DMD: variants seen among roughly 807,000 people sequenced by gnomAD.
The protein encoded by DMD is dystrophin, also known as mutant dystrophin.
DMD carries 63 observed loss-of-function variants against 330.1 expected under a neutral mutation model. That is an observed-to-expected ratio of 0.19 (90% CI 0.16 to 0.24). DMD has a LOEUF of 0.24. DMD is among the 10% of genes least tolerant of loss of function. The pLI is 1.00. For missense variants in DMD, 3,344 were observed against 2,684.1 expected, an observed-to-expected ratio of 1.25 and a Z score of -5.43; for synonymous variants, 1,223 against 959.8, an observed-to-expected ratio of 1.27 and a Z score of -5.07.
rs147739503 is a variant in DMD at position 32,671,396 on chromosome X, C to T, written c.961-26244G>A. ...TCTGAGAAAAAGAGACAGAGTTCAC[C>T]AGGTTCCCATTTATCTTCAAAATTG... On this transcript the variant is annotated intron_variant, in intron 9 of 78. Coordinates refer to ENST00000357033, the MANE Select transcript of DMD (RefSeq NM_004006.3). Among the ~76,000 whole-genome samples, 777 of 110,999 alleles carry T rather than the reference C, an allele frequency of 7.0e-3. 7 individuals carry two copies. The highest frequency in any genetic ancestry group is 0.023 in the African/African-American group (715 of 30,669).
intron 1 of DMD, among the ~76,000 whole-genome samples, chrX:33,172,094 T>C (rs1293673056): frequency 6.3e-5 from 7 of 111,135 alleles, no homozygotes; most frequent in African/African-American, 2.3e-4. Context: ...TAAAAAGGAA[T>C]ATTAAACAAA....
chrX:32,064,074 C>T (rs764503228), intron 44 of DMD, among the ~76,000 whole-genome samples: 8 of 110,786 alleles, frequency 7.2e-5, no homozygotes, highest in African/African-American at 1.6e-4. Context: ...TTATTCTCAA[C>T]GAATGAATTA....
chrX:31,823,298 CTA>C (rs766945267), intron 49 of DMD, among the ~76,000 whole-genome samples: 1 of 112,559 alleles, frequency 8.9e-6, no homozygotes, highest in African/African-American at 3.2e-5. Context: ...TCCAGTCAGA[CTA>C]TGTGCCCTTC....
At chrX:32,503,117 T>C (rs1228777807) in intron 18 of DMD, among the ~76,000 whole-genome samples, 1 of 112,604 alleles carries the variant, frequency 8.9e-6, no homozygotes, top group African/African-American at 3.2e-5. Flanking sequence ...AGTTAAGAGA[T>C]AGGCCTGTAA....
chrX:32,685,772 G>A lies in DMD; in HGVS notation c.960+12098C>T, dbSNP rs371842185. 7.2e-5 allele frequency among the ~76,000 whole-genome samples: 8 copies of A among 111,477 alleles called. No individual in the cohort carries two copies. The South Asian group carries it at 3.0e-3, about 41-fold the overall frequency. ...ATCTAGAAATGAGGAGTTTCATAAC[G>A]ATACCATCAACTCATCATTAATCCT... On this transcript the variant is annotated intron_variant, in intron 9 of 78. Coordinates refer to ENST00000357033, the MANE Select transcript of DMD (RefSeq NM_004006.3).
intron 1 of DMD, among the ~76,000 whole-genome samples, chrX:33,166,607 A>G (rs1365842039): frequency 9.0e-6 from 1 of 111,103 alleles, no homozygotes; most frequent in Non-Finnish European, 1.9e-5. Context: ...TATGTATCCA[A>G]AAAAGTGTGT....
At chrX:33,145,866 T>A (rs1043542457) in intron 1 of DMD, among the ~76,000 whole-genome samples, 12 of 110,441 alleles carry the variant, frequency 1.1e-4, no homozygotes, top group Non-Finnish European at 2.1e-4. Context: ...GTTATGCAAC[T>A]GTCACCACTT....
chrX:32,549,875 A>G (rs1428142136), intron 16 of DMD, among the ~76,000 whole-genome samples: 1 of 112,221 alleles, frequency 8.9e-6, no homozygotes, highest in Non-Finnish European at 1.9e-5. Context: ...ACATAAGTAC[A>G]TCAAAGCAAA....
intron 34 of DMD, among the ~76,000 whole-genome samples, chrX:32,368,717 C>T (rs755170831): frequency 1.8e-5 from 2 of 111,449 alleles, no homozygotes; most frequent in South Asian, 7.5e-4. Context: ...AAAGAAACAG[C>T]TGAAAAGATA....
At chrX:32,130,037 C>T (rs2096683537) in intron 44 of DMD, among the ~76,000 whole-genome samples, 1 of 106,513 alleles carries the variant, frequency 9.4e-6, no homozygotes, top group Non-Finnish European at 1.9e-5. Flanking sequence ...GGCTTTTTTC[C>T]CCCTTACGCT....
intron 60 of DMD, among the ~76,000 whole-genome samples, chrX:31,434,418 GCACACACACACACACACACACA>G (rs10572572): frequency 0.016 from 1,253 of 78,052 alleles, 21 homozygotes; most frequent in Middle Eastern, 0.058. Context: ...CAGCGCGCGC[GCACACACACACACACACACACA>G]CACACACACA....
intron 52 of DMD, among the ~76,000 whole-genome samples, chrX:31,715,698 C>T (rs971490708): frequency 5.4e-5 from 6 of 111,252 alleles, no homozygotes; most frequent in African/African-American, 1.6e-4. Context: ...TGGAATCAGA[C>T]CAAGGTGCTT....
chrX:31,437,437 A>C (rs1267678075), intron 60 of DMD, among the ~76,000 whole-genome samples: 1 of 111,753 alleles, frequency 8.9e-6, no homozygotes, highest in Non-Finnish European at 1.9e-5. Flanking sequence ...ACCCGATACT[A>C]AATTTCTGGG....
chrX:32,401,500 G>A (rs2098086025), intron 30 of DMD, among the ~76,000 whole-genome samples: 1 of 111,063 alleles, frequency 9.0e-6, no homozygotes. Flanking sequence ...GTTATTTGTG[G>A]GAGCTAAAAA....
At chrX:32,321,678 C>A (rs2097616068) in intron 41 of DMD, among the ~76,000 whole-genome samples, 1 of 111,786 alleles carries the variant, frequency 8.9e-6, no homozygotes, top group Non-Finnish European at 1.9e-5. Flanking sequence ...ACAACAACAA[C>A]AAAACTTCCA....
chrX:31,548,902 A>G lies in DMD; in HGVS notation c.8218-41449T>C, dbSNP rs181350024. On this transcript the variant is annotated intron_variant, in intron 55 of 78. Coordinates refer to ENST00000357033, the MANE Select transcript of DMD (RefSeq NM_004006.3). ...CTAGGGCGTGCAACATTTGGCCACAAAAGAAAATATGCACACACACAAACA... is the reference window on the plus strand; with the variant it reads ...CTAGGGCGTGCAACATTTGGCCACAGAAGAAAATATGCACACACACAAACA... Among the ~76,000 whole-genome samples the G allele has an allele frequency of 1.5e-4, 17 of 111,141 alleles. 1 individual carries two copies. The highest frequency in any genetic ancestry group is 5.6e-4 in the African/African-American group (17 of 30,628).
At chrX:31,936,313 G>T (rs1172070966) in intron 45 of DMD, among the ~76,000 whole-genome samples, 1 of 111,344 alleles carries the variant, frequency 9.0e-6, no homozygotes, top group Non-Finnish European at 1.9e-5. Context: ...TTTCTGTCAA[G>T]GTTGGTACTC....
chrX:32,540,860 A>G (rs1234329141), intron 17 of DMD, among the ~76,000 whole-genome samples: 1 of 111,775 alleles, frequency 8.9e-6, no homozygotes, highest in African/African-American at 3.3e-5. Flanking sequence ...ACTGAATGCC[A>G]TAGGAAGCAC....
chrX:32,626,961 A>G (rs1477473607), intron 11 of DMD, among the ~76,000 whole-genome samples: 1 of 105,684 alleles, frequency 9.5e-6, no homozygotes, highest in South Asian at 3.7e-4. Context: ...ATAATGCCTT[A>G]ATATAAAAAG....
Sources: gnomAD v4.1 joint callset for allele counts (sites outside exome capture counted in the v4.1 genomes callset) on GRCh38, gnomAD v4.1.1 for gene constraint, MANE v1.5 for transcripts, NCBI Gene and HGNC (gene_info 2026-07-23, HGNC 2026-07-21) for gene names.